FHIP1A: variants seen among roughly 807,000 people sequenced by gnomAD.
FHIP1A encodes the protein FHF complex subunit HOOK interacting protein 1A.
A neutral mutation model predicts 88.6 loss-of-function variants in FHIP1A; 61 were observed. That is an observed-to-expected ratio of 0.69 (90% CI 0.56 to 0.85). The LOEUF (loss-of-function observed/expected upper bound fraction) is 0.85, where lower values mean the gene tolerates loss of function less well. Ranked by LOEUF, FHIP1A falls within the 40% of genes least tolerant of loss-of-function variation. FHIP1A has a pLI of 0.00. For synonymous variants in FHIP1A, 478 were observed against 496.0 expected, an observed-to-expected ratio of 0.96 and a Z score of 0.48; for missense variants, 1,154 against 1,273.5, an observed-to-expected ratio of 0.91 and a Z score of 1.43.
At chr4:151,509,400 C>T (rs1444898820) in intron 3 of FHIP1A, among the ~76,000 whole-genome samples, 3 of 152,058 alleles carry the variant, frequency 2.0e-5, no homozygotes, top group South Asian at 2.1e-4. Context: ...CTCCTGACCT[C>T]GTGATCCGCC....
chr4:151,505,401 T>A (rs1310940764), intron 3 of FHIP1A, among the ~76,000 whole-genome samples: 1 of 152,156 alleles, frequency 6.6e-6, no homozygotes, highest in Admixed American at 6.5e-5. Flanking sequence ...TATTACCAAA[T>A]GGCAATGAGG....
intron 3 of FHIP1A, among the ~76,000 whole-genome samples, chr4:151,552,486 C>T (rs1732776856): frequency 6.6e-6 from 1 of 152,120 alleles, no homozygotes; most frequent in Non-Finnish European, 1.5e-5. Context: ...CCATGGAATA[C>T]TATGCAGCCA....
In FHIP1A at chr4:151,629,694, T is replaced by A; in HGVS notation, c.979-8T>A. 3 of 1,550,502 alleles carry A rather than the reference T, an allele frequency of 1.9e-6. No homozygotes were observed. Among genetic ancestry groups the A allele is most frequent in the Non-Finnish European group, 2.6e-6 (3 of 1,146,282 alleles). ...GCTCACCTGTGCTCACTCCGTTGTT[T>A]GTCCTAGGTGACTGTGGAAGAGGTC... On this transcript the variant is annotated splice_polypyrimidine_tract_variant and splice_region_variant and intron_variant, in intron 7 of 13. Coordinates refer to ENST00000435205, the MANE Select transcript of FHIP1A (RefSeq NM_001109977.3).
chr4:151,558,083 A>C (rs1003764593), intron 3 of FHIP1A, among the ~76,000 whole-genome samples: 2 of 152,216 alleles, frequency 1.3e-5, no homozygotes, highest in Admixed American at 1.3e-4. Context: ...GCTTCAAAGC[A>C]GTTAGATCTG....
intron 7 of FHIP1A, among the ~76,000 whole-genome samples, chr4:151,622,483 C>T (rs1735784826): frequency 6.6e-6 from 1 of 152,270 alleles, no homozygotes; most frequent in East Asian, 1.9e-4. Context: ...TCTTTCTAAG[C>T]CTGTCTCTCC....
At chr4:151,476,707 T>G (rs1729721294) in intron 2 of FHIP1A, among the ~76,000 whole-genome samples, 1 of 152,166 alleles carries the variant, frequency 6.6e-6, no homozygotes, top group Admixed American at 6.5e-5. Flanking sequence ...TAAATGAATG[T>G]TGTTTGCAAA....
chr4:151,487,877 G>A (rs1025195626), intron 3 of FHIP1A, among the ~76,000 whole-genome samples: 9 of 152,222 alleles, frequency 5.9e-5, no homozygotes, highest in Non-Finnish European at 1.2e-4. Flanking sequence ...TAATTACTGT[G>A]CTTTGCTGCC....
intron 2 of FHIP1A, among the ~76,000 whole-genome samples, chr4:151,462,867 T>A (rs1176101033): frequency 2.0e-5 from 3 of 152,236 alleles, no homozygotes; most frequent in Non-Finnish European, 2.9e-5. Context: ...GATGGCTTAT[T>A]GTGGACTTAC....
At chr4:151,443,818 C>G (rs1023152362) in intron 1 of FHIP1A, among the ~76,000 whole-genome samples, 5 of 151,692 alleles carry the variant, frequency 3.3e-5, no homozygotes, top group South Asian at 2.1e-4. Flanking sequence ...GCATCAGAAG[C>G]CTTCACAAGC....
chr4:151,656,643 C>A lies in FHIP1A; in HGVS notation c.2731-117C>A. ...GAACACCCAGGCAGTTAAAAATGAA[C>A]AAATGTCTAACATCATAATAGTTCC... is the stretch of plus-strand genomic sequence containing the variant. On this transcript the variant is annotated intron_variant, in intron 12 of 13. Transcript: ENST00000435205. This position sits in a 1 kb window ranked among gnomAD's most constrained non-coding sequence, Gnocchi z 4.2. 3 of 1,210,360 alleles carry A rather than the reference C, an allele frequency of 2.5e-6. No homozygotes were observed. The highest frequency in any genetic ancestry group is 2.6e-5 in the Admixed American group (1 of 38,184). The allele number at this position is 1,210,360 out of a possible 1,614,324, so 75.0% of individuals were successfully genotyped here.
intron 2 of FHIP1A, among the ~76,000 whole-genome samples, chr4:151,457,503 T>G (rs558329282): frequency 6.6e-6 from 1 of 152,310 alleles, no homozygotes; most frequent in South Asian, 2.1e-4. Context: ...TAGAAGAACC[T>G]CACAAATTCT....
chr4:151,644,105 G>A (rs1259412518), intron 9 of FHIP1A, among the ~76,000 whole-genome samples: 2 of 152,170 alleles, frequency 1.3e-5, no homozygotes, highest in South Asian at 2.1e-4. Context: ...AAGCATTGAA[G>A]CAGTTTATTT....
At chr4:151,616,509 T>C (rs1328812974) in intron 7 of FHIP1A, among the ~76,000 whole-genome samples, 26 of 138,574 alleles carry the variant, frequency 1.9e-4, no homozygotes, top group Non-Finnish European at 3.5e-4. Flanking sequence ...AGTGCAGTGG[T>C]GCGATCTCGG....
intron 3 of FHIP1A, among the ~76,000 whole-genome samples, chr4:151,485,966 A>G (rs901430163): frequency 6.6e-6 from 1 of 152,060 alleles, no homozygotes; most frequent in Non-Finnish European, 1.5e-5. Context: ...GTGGAAGACA[A>G]TTTTTCCATG....
intron 2 of FHIP1A, among the ~76,000 whole-genome samples, chr4:151,459,251 G>C (rs1477846024): frequency 2.0e-5 from 3 of 152,136 alleles, no homozygotes; most frequent in Middle Eastern, 3.4e-3. Context: ...CTGAAAAAAA[G>C]TGAATATACT....
intron 1 of FHIP1A, among the ~76,000 whole-genome samples, chr4:151,445,776 A>C (rs1398303242): frequency 1.3e-5 from 2 of 149,442 alleles, no homozygotes; most frequent in Non-Finnish European, 3.0e-5. Flanking sequence ...GATTGCTTGA[A>C]TCTAGGAGTT....
chr4:151,561,861 T>C (rs977436024), intron 3 of FHIP1A, among the ~76,000 whole-genome samples: 2 of 152,156 alleles, frequency 1.3e-5, no homozygotes, highest in African/African-American at 2.4e-5. Context: ...CATCTGCAAC[T>C]AGATTTCTTA....
intron 7 of FHIP1A, among the ~76,000 whole-genome samples, chr4:151,618,224 T>C (rs1309961807): frequency 6.6e-6 from 1 of 152,182 alleles, no homozygotes; most frequent in East Asian, 1.9e-4. Flanking sequence ...TAGAGTGATG[T>C]GTTGGTTATG....
At chr4:151,509,936 C>A (rs1730969112) in intron 3 of FHIP1A, among the ~76,000 whole-genome samples, 1 of 152,098 alleles carries the variant, frequency 6.6e-6, no homozygotes, top group Non-Finnish European at 1.5e-5. Context: ...CAATAATTTT[C>A]CTGCAATCTA....
Sources: allele counts gnomAD v4.1 joint callset (sites outside exome capture counted in the v4.1 genomes callset), GRCh38; gene constraint gnomAD v4.1.1; non-coding constraint Gnocchi (gnomAD v3.1); transcripts MANE v1.5; gene names NCBI Gene and HGNC (gene_info 2026-07-23, HGNC 2026-07-21).